The following TET3 variants were observed in gnomAD, a reference collection of about 807,000 sequenced individuals.
TET3 encodes the protein methylcytosine dioxygenase TET3.
Under a neutral mutation model 141.4 loss-of-function variants are expected in TET3, and 19 were observed. The ratio of observed to expected loss-of-function variants is 0.13; its 90% CI spans 0.09 to 0.20. The LOEUF is 0.20. Among genes scored for constraint, TET3 ranks in the 10% least tolerant of loss-of-function variants. The pLI, the probability that TET3 is intolerant of heterozygous loss-of-function variation, is 1.00. For synonymous variants in TET3, 1,043 were observed against 980.9 expected, an observed-to-expected ratio of 1.06 and a Z score of -1.18; for missense variants, 1,874 against 2,356.9, an observed-to-expected ratio of 0.80 and a Z score of 4.24.
In TET3 at chr2:74,003,253, C is replaced by A. The variant is rs1684959945; in HGVS notation, c.360+87C>A. On this transcript the variant is annotated intron_variant, in intron 3 of 11. Coordinates refer to ENST00000409262, the MANE Select transcript of TET3 (RefSeq NM_001287491.2). Reference sequence around the variant, plus strand: ...GGATTGGATAAAAATAAAGGGTCTCCTCTGGTGATCCCTTAATCTCCCACT... The same window carrying A: ...GGATTGGATAAAAATAAAGGGTCTCATCTGGTGATCCCTTAATCTCCCACT... 3 of 1,513,240 alleles carry A rather than the reference C, an allele frequency of 2.0e-6. No individual in the cohort carries two copies. In the East Asian group the frequency reaches 7.4e-5, roughly 37 times the overall value. 93.7% of individuals were successfully genotyped at this position (1,513,240 alleles called of 1,614,324 possible).
At position 74,101,695 on chromosome 2, in the gene TET3, A is replaced by G. The variant is rs752520401; in HGVS notation, c.4907A>G (p.Glu1636Gly). 1 of 1,613,598 alleles carries G rather than the reference A, an allele frequency of 6.2e-7. No individual in the cohort carries two copies. The highest frequency in any genetic ancestry group is 1.1e-5 in the South Asian group (1 of 91,088). ...GGTGGTGGTGCGGAGGAGGAAGAGGAGGAGCTGTGGTCGGACAGTGAACAC... is the reference window on the plus strand; with the variant it reads ...GGTGGTGGTGCGGAGGAGGAAGAGGGGGAGCTGTGGTCGGACAGTGAACAC... ...KGGGGAEEEE[E>G]ELWSDSEHNF... Residue 1636 changes from glutamate (E) to glycine (G), a missense_variant, in exon 12 of 12, where the codon GAG (glutamate) becomes GGG (glycine). Transcript: ENST00000409262. This position sits in a 1 kb window ranked among gnomAD's most constrained non-coding sequence, Gnocchi z 8.5.
At chr2:74,031,027 T>A (rs1416946680) in intron 3 of TET3, among the ~76,000 whole-genome samples, 2 of 151,738 alleles carry the variant, frequency 1.3e-5, no homozygotes, top group Non-Finnish European at 2.9e-5. Context: ...CTGAGTTAAG[T>A]TGTAAATGTG....
the TET3 span, among the ~76,000 whole-genome samples, chr2:74,117,609 C>G: frequency 6.6e-6 from 1 of 152,158 alleles, no homozygotes; most frequent in East Asian, 1.9e-4. Context: ...CCCACATACT[C>G]TTCACCTAGA....
chr2:74,099,574 AG>A lies in TET3; in HGVS notation c.3568del (p.Glu1190ArgfsTer16). 6.2e-7 allele frequency: 1 copy of A among 1,602,158 alleles called. No homozygotes were observed. Among genetic ancestry groups the A allele is most frequent in the East Asian group, 2.3e-5 (1 of 44,348 alleles). On this transcript the variant is annotated frameshift_variant, in exon 11 of 12. Coordinates refer to ENST00000409262, the MANE Select transcript of TET3 (RefSeq NM_001287491.2). LOFTEE classifies it high-confidence loss of function. Reference protein sequence around the residue: ...EKLSTPEKIKQEALELAGITS... With the variant: ...EKLSTPEKIKXEALELAGITS... ...CTGAGCACTCCGGAGAAGATCAAGC[AG>A]GAGGCCCTGGAGCTGGCGGGCATTA...
chr2:74,096,504 C>G (rs966957219), intron 10 of TET3, among the ~76,000 whole-genome samples: 4 of 152,286 alleles, frequency 2.6e-5, no homozygotes, highest in East Asian at 3.9e-4. Flanking sequence ...CAGGGGCTCA[C>G]GCCTGTAATC....
the TET3 span, among the ~76,000 whole-genome samples, chr2:74,115,192 T>G: frequency 2.6e-5 from 4 of 152,218 alleles, no homozygotes; most frequent in African/African-American, 9.6e-5. Flanking sequence ...GAGAAAGGAT[T>G]TGCAAACAAC....
the TET3 span, among the ~76,000 whole-genome samples, chr2:74,119,645 G>A: frequency 3.3e-5 from 5 of 152,292 alleles, no homozygotes; most frequent in South Asian, 1.0e-3. Flanking sequence ...TAATCCAGGA[G>A]GTGTTACTTT....
At chr2:74,123,625 C>T in the TET3 span, among the ~76,000 whole-genome samples, 17 of 152,296 alleles carry the variant, frequency 1.1e-4, no homozygotes, top group East Asian at 2.7e-3. Flanking sequence ...ACCTCCCAGC[C>T]GCCTGCCTTG....
At chr2:74,069,082 A>G (rs1689058538) in intron 4 of TET3, among the ~76,000 whole-genome samples, 1 of 150,680 alleles carries the variant, frequency 6.6e-6, no homozygotes. Context: ...CTTAGAGAAG[A>G]CCCTTCTTCC....
chr2:74,039,223 T>G (rs1687219801), intron 3 of TET3, among the ~76,000 whole-genome samples: 1 of 152,246 alleles, frequency 6.6e-6, no homozygotes, highest in Admixed American at 6.5e-5. Flanking sequence ...CTGCCAGGGC[T>G]TATGATTCTG....
the TET3 span, among the ~76,000 whole-genome samples, chr2:74,118,639 T>C: frequency 6.6e-6 from 1 of 152,168 alleles, no homozygotes; most frequent in Non-Finnish European, 1.5e-5. Context: ...TTAACTGACA[T>C]TGTTCAAAAG....
chr2:74,069,142 T>C (rs1219155975), intron 4 of TET3, among the ~76,000 whole-genome samples: 2 of 129,402 alleles, frequency 1.5e-5, no homozygotes, highest in Middle Eastern at 3.4e-3. Flanking sequence ...CGTGTATAGT[T>C]TAATTTTTTT....
rs1386502073 is a variant in TET3 at position 74,057,379 on chromosome 2, C to T, written c.2494+8968C>T. The stretch of plus-strand genomic sequence containing the variant: ...GGGCTTGGAGATGAAATTTCCCAGT[C>T]GCAATTGTCCACAGCCAGCCCCAGT... On this transcript the variant is annotated intron_variant, in intron 4 of 11. Coordinates refer to ENST00000409262, the MANE Select transcript of TET3 (RefSeq NM_001287491.2). Among the ~76,000 whole-genome samples, 7 of 152,152 alleles carry T rather than the reference C, an allele frequency of 4.6e-5. No homozygotes were observed. The East Asian group carries it at 9.6e-4, about 21-fold the overall frequency.
chr2:74,073,824 G>C, intron 5 of TET3, 185 bp downstream of exon 5: 1 of 510,518 alleles, frequency 2.0e-6, no homozygotes, highest in Non-Finnish European at 3.4e-6. Context: ...CTTTCATTCT[G>C]TAGGTCTGCC....
intron 3 of TET3, among the ~76,000 whole-genome samples, chr2:74,027,121 G>A (rs1686407855): frequency 6.6e-6 from 1 of 152,094 alleles, no homozygotes; most frequent in South Asian, 2.1e-4. Flanking sequence ...AGAATGAATT[G>A]CACGACACTC....
chr2:74,065,628 T>G (rs1688845777), intron 4 of TET3, among the ~76,000 whole-genome samples: 1 of 149,444 alleles, frequency 6.7e-6, no homozygotes, highest in African/African-American at 2.5e-5. Context: ...CCGTCCTTCC[T>G]TCCTTCCTTC....
chr2:73,999,948 C>T (rs1008776940), intron 2 of TET3, among the ~76,000 whole-genome samples: 1 of 152,086 alleles, frequency 6.6e-6, no homozygotes, highest in Non-Finnish European at 1.5e-5. Flanking sequence ...TGGGCTCCTC[C>T]TCTGGGCTAC....
chr2:74,075,320 C>CTTTTT (rs971111434), intron 5 of TET3, among the ~76,000 whole-genome samples: 15 of 89,080 alleles, frequency 1.7e-4, no homozygotes, highest in African/African-American at 3.4e-4. Flanking sequence ...GAGCCAAATA[C>CTTTTT]TTTTTTTTTT....
At chr2:74,080,007 C>T (rs1052975334) in intron 5 of TET3, among the ~76,000 whole-genome samples, 3 of 152,112 alleles carry the variant, frequency 2.0e-5, no homozygotes, top group Non-Finnish European at 4.4e-5. Flanking sequence ...CTTAGTAGAG[C>T]CACTTCTCCC....
Sources: allele counts gnomAD v4.1 joint callset (sites outside exome capture counted in the v4.1 genomes callset), GRCh38; gene constraint gnomAD v4.1.1; non-coding constraint Gnocchi (gnomAD v3.1); transcripts MANE v1.5; gene names NCBI Gene and HGNC (gene_info 2026-07-23, HGNC 2026-07-21).